Variants in ARPC1B observed in about 807,000 individuals in gnomAD.
ARPC1B encodes actin related protein 2/3 complex subunit 1B.
A neutral mutation model predicts 46.0 loss-of-function variants in ARPC1B; 29 were observed. The ratio of observed to expected loss-of-function variants is 0.63; its 90% confidence interval spans 0.47 to 0.86. The LOEUF (loss-of-function observed/expected upper bound fraction) is 0.86. Ranked by LOEUF, ARPC1B falls within the 40% of genes least tolerant of loss-of-function variation. The probability of loss-of-function intolerance (pLI) is 0.00; values close to 1 mark genes in which losing one functional copy is unlikely to be tolerated. For synonymous variants in ARPC1B, 201 were observed against 213.9 expected (o/e 0.94, Z 0.53); for missense variants, 469 against 529.4 (o/e 0.89, Z 1.12).
At chr7:99,392,931 A>T (rs879277958) in intron 8 of ARPC1B, 55 bp downstream of exon 8, 25 of 1,482,304 alleles carry the variant, frequency 1.7e-5, no homozygotes, top group Non-Finnish European at 2.0e-5. Context: ...GCCCAGAAAC[A>T]GCGTCGGGTG....
At chr7:99,377,293 C>T (rs1438230178) in intron 1 of ARPC1B, 1 of 152,082 alleles carries the variant, frequency 6.6e-6, no homozygotes, top group African/African-American at 2.4e-5. Flanking sequence ...GCCTCCACGC[C>T]TGCCTTATAC....
chr7:99,388,639 CT>C (rs780480361), intron 4 of ARPC1B: 1,268 of 159,380 alleles, frequency 8.0e-3, no homozygotes, highest in South Asian at 0.024. Flanking sequence ...CATCTTGTTC[CT>C]TTTTTTTTTT....
intron 1 of ARPC1B, among the ~76,000 whole-genome samples, chr7:99,384,954 ATTTTT>A (rs753952597): frequency 1.6e-4 from 11 of 67,416 alleles, no homozygotes; most frequent in African/African-American, 5.3e-4. Context: ...CACCTGGCTA[ATTTTT>A]TTTTTTTTTT....
intron 9 of ARPC1B, 58 bp downstream of exon 9, chr7:99,394,177 A>C: frequency 1.9e-6 from 3 of 1,558,158 alleles, no homozygotes; most frequent in Non-Finnish European, 2.6e-6. Flanking sequence ...CTTTCCCCCC[A>C]TCCCCACTCC....
chr7:99,394,773 A>C lies in ARPC1B; in HGVS notation c.*284A>C, dbSNP rs1794711762. 3 of 1,170,264 alleles carry C rather than the reference A, an allele frequency of 2.6e-6. No homozygotes were observed. Among genetic ancestry groups the C allele is most frequent in the Non-Finnish European group, 3.1e-6 (3 of 957,618 alleles). The allele number at this position is 1,170,264 out of a possible 1,614,324, so 72.5% of individuals were successfully genotyped here. ...CAAAATGTGGAGGTAATAAAATGCA[A>C]CTGTGTAAAAAAAAAAAAAAAAAAA... On this transcript the variant is annotated 3_prime_UTR_variant, in exon 10 of 10. Transcript: ENST00000646101.
intron 3 of ARPC1B, among the ~76,000 whole-genome samples, chr7:99,387,381 C>T (rs531053217): frequency 1.3e-5 from 2 of 152,208 alleles, no homozygotes; most frequent in East Asian, 3.9e-4. Flanking sequence ...TTGAAGTGAG[C>T]TGAGATTGCA....
intron 1 of ARPC1B, chr7:99,377,411 C>G (rs1794060125): frequency 6.6e-6 from 1 of 150,994 alleles, no homozygotes; most frequent in Non-Finnish European, 1.5e-5. Flanking sequence ...CTCCCGGGTT[C>G]CAGTGATTCT....
At position 99,386,819 on chromosome 7, in the gene ARPC1B, TG is replaced by T. The variant is rs748386560; in HGVS notation, c.169+31del. 7 of 1,558,404 alleles carry T rather than the reference TG, an allele frequency of 4.5e-6. No homozygotes were observed. The South Asian group carries it at 7.8e-5, about 17-fold the overall frequency. On this transcript the variant is annotated intron_variant, in intron 3 of 9. Coordinates refer to ENST00000646101, the MANE Select transcript of ARPC1B (RefSeq NM_005720.4). ...GTCAGGGTGGCTGGGACCACCGTCC[TG>T]AAAGGAGGTGGTGGGTTGGGGGGGT...
At chr7:99,386,919 T>C (rs1043545782) in intron 3 of ARPC1B, 130 bp downstream of exon 3, 29 of 720,796 alleles carry the variant, frequency 4.0e-5, no homozygotes, top group Non-Finnish European at 6.1e-5. Flanking sequence ...TCAAACTGGC[T>C]TCAATTTTAA....
chr7:99,386,019 G>A (rs1794380899), intron 2 of ARPC1B, among the ~76,000 whole-genome samples: 1 of 152,162 alleles, frequency 6.6e-6, no homozygotes. Flanking sequence ...GGGAGGCTGA[G>A]GTGGGTGGAT....
chr7:99,394,322 TGACA>T, intron 9 of ARPC1B, 125 bp from the exon 10 acceptor site: 1 of 1,086,404 alleles, frequency 9.2e-7, no homozygotes, highest in African/African-American at 1.5e-5. Flanking sequence ...CCAACCCAGC[TGACA>T]GACTCCAAAA....
intron 1 of ARPC1B, among the ~76,000 whole-genome samples, chr7:99,379,689 C>A (rs1407945052): frequency 1.3e-5 from 2 of 152,146 alleles, no homozygotes; most frequent in African/African-American, 2.4e-5. Flanking sequence ...AGAATGTAAA[C>A]CCAGCACAGT....
chr7:99,389,756 GCCTTGTGGGCTGGCAATGCCCA>G, intron 4 of ARPC1B, 127 bp from the exon 5 acceptor site: 1 of 704,494 alleles, frequency 1.4e-6, no homozygotes, highest in Non-Finnish European at 2.5e-6. Context: ...GGCCCTGACG[GCCTTGTGGGCTGGCAATGCCCA>G]GTCGCCTCTC....
intron 7 of ARPC1B, 131 bp from the exon 8 acceptor site, chr7:99,392,540 C>G: frequency 1.2e-6 from 1 of 822,110 alleles, no homozygotes; most frequent in Non-Finnish European, 1.8e-6. Flanking sequence ...CAATTCGGGC[C>G]TCCCTCGCTG....
chr7:99,388,537 G>A (rs1584407967), intron 4 of ARPC1B: 3 of 441,514 alleles, frequency 6.8e-6, no homozygotes, highest in South Asian at 3.3e-5. Context: ...CAGCTCCGTG[G>A]ACTGGGCATC....
rs1290085349 is a variant in ARPC1B, at chr7:99,394,536, G to GA, written c.*48dup. The GA allele has an allele frequency of 6.2e-7, 1 of 1,613,808 alleles. No individual in the cohort carries two copies. The highest frequency in any genetic ancestry group is 2.2e-5 in the East Asian group (1 of 44,878). On this transcript the variant is annotated 3_prime_UTR_variant, in exon 10 of 10. Transcript: ENST00000646101. Reference sequence around the variant, plus strand: ...TCATCCTAGCTGCTGGGGAAGCGGGGAGAGGGGTCAGGGAGGCTAATGGTT... The same window carrying GA: ...TCATCCTAGCTGCTGGGGAAGCGGGGAAGAGGGGTCAGGGAGGCTAATGGTT...
rs544314676 is a variant in ARPC1B, at chr7:99,394,482, T to G, written c.1112T>G (p.Ile371Ser). 3.8e-5 allele frequency: 62 copies of G among 1,613,900 alleles called. No individual in the cohort carries two copies. The highest frequency in any genetic ancestry group is 5.1e-5 in the Non-Finnish European group (60 of 1,180,016). The change falls in exon 10 of 10, where the codon ATC becomes AGC. Residue 371 changes from isoleucine to serine, a missense_variant. Transcript: ENST00000646101. ...SLESALKDLK[I>S]K is the part of the protein sequence containing the mutation. Reference sequence around the variant, plus strand: ...GAGTCAGCCTTGAAGGACCTCAAGATCAAATGACCTGTGAGGAATATGTTG... The same window carrying G: ...GAGTCAGCCTTGAAGGACCTCAAGAGCAAATGACCTGTGAGGAATATGTTG...
At chr7:99,382,622 C>T (rs944687369) in intron 1 of ARPC1B, among the ~76,000 whole-genome samples, 56 of 151,906 alleles carry the variant, frequency 3.7e-4, no homozygotes, top group Admixed American at 1.6e-3. Flanking sequence ...ATGTGCACCA[C>T]CACACCTGCA....
intron 1 of ARPC1B, among the ~76,000 whole-genome samples, chr7:99,385,315 G>A (rs1029884848): frequency 1.4e-5 from 2 of 141,980 alleles, no homozygotes; most frequent in Non-Finnish European, 3.1e-5. Context: ...TGGGGGGGGG[G>A]GGGTCGTCCA....
Sources: gnomAD v4.1 joint callset for allele counts (sites outside exome capture counted in the v4.1 genomes callset) on GRCh38, gnomAD v4.1.1 for gene constraint, MANE v1.5 for transcripts, NCBI Gene and HGNC (gene_info 2026-07-23, HGNC 2026-07-21) for gene names.